The following ASPH variants were observed in gnomAD, a reference collection of about 807,000 sequenced individuals.
ASPH encodes aspartyl/asparaginyl beta-hydroxylase.
A neutral mutation model predicts 118.4 loss-of-function variants in ASPH; 100 were observed. The observed-to-expected ratio is 0.84, with a 90% CI of 0.72 to 1.00. The LOEUF is 1.00. Ranked by LOEUF, ASPH falls within the 50% of genes least tolerant of loss-of-function variation. The pLI, the probability that ASPH is intolerant of heterozygous loss-of-function variation, is 0.00. For synonymous variants in ASPH, 315 were observed against 325.6 expected (o/e 0.97, Z 0.35); for missense variants, 920 against 919.5 (o/e 1.00, Z -0.01).
intron 15 of ASPH, chr8:61,579,141 T>A: frequency 6.2e-7 from 1 of 1,611,858 alleles, no homozygotes; most frequent in Non-Finnish European, 8.5e-7. Context: ...GACTGAGATC[T>A]CTGAGATGAA....
At chr8:61,524,156 T>C (rs1251364749) in intron 22 of ASPH, among the ~76,000 whole-genome samples, 7 of 152,170 alleles carry the variant, frequency 4.6e-5, no homozygotes, top group African/African-American at 7.2e-5. Context: ...CATATACATA[T>C]AGATCATTTT....
At chr8:61,538,850 T>C (rs1586742905) in intron 21 of ASPH, among the ~76,000 whole-genome samples, 1 of 152,270 alleles carries the variant, frequency 6.6e-6, no homozygotes, top group African/African-American at 2.4e-5. Flanking sequence ...GATGTGTTTA[T>C]ATCCAAGCAG....
chr8:61,665,388 T>A (rs950154029), intron 3 of ASPH: 38 of 1,613,518 alleles, frequency 2.4e-5, no homozygotes, highest in Non-Finnish European at 3.1e-5. Flanking sequence ...TTTTTCCTAT[T>A]TTCCTTGGTT....
intron 10 of ASPH, among the ~76,000 whole-genome samples, chr8:61,639,074 T>C (rs890509400): frequency 6.6e-6 from 1 of 152,194 alleles, no homozygotes; most frequent in Non-Finnish European, 1.5e-5. Context: ...AGTATTGGGG[T>C]ACAGCAGGGA....
intron 22 of ASPH, among the ~76,000 whole-genome samples, chr8:61,525,418 T>TA: frequency 6.6e-6 from 1 of 151,890 alleles, no homozygotes; most frequent in African/African-American, 2.4e-5. Flanking sequence ...TGGGTTAAGC[T>TA]AAAAAAATAT....
intron 1 of ASPH, among the ~76,000 whole-genome samples, chr8:61,708,919 G>A (rs538834904): frequency 5.7e-4 from 60 of 105,742 alleles, no homozygotes; most frequent in Admixed American, 8.6e-4. Context: ...AATGCTCTCC[G>A]CTCTGGAGCA....
intron 15 of ASPH, chr8:61,582,919 T>A (rs1460633030): frequency 6.6e-6 from 1 of 152,192 alleles, no homozygotes; most frequent in Admixed American, 6.5e-5. Context: ...ATTGAAGATA[T>A]GATTAAATAC....
Position 61,586,927 on chromosome 8 carries a change from C to T in ASPH, c.977-2898G>A, listed in dbSNP as rs544789001. Among the ~76,000 whole-genome samples the T allele has an allele frequency of 3.9e-5, 6 of 152,258 alleles. No individual in the cohort carries two copies. In the South Asian group the frequency reaches 8.3e-4, roughly 21 times the overall value. On this transcript the variant is annotated intron_variant, in intron 14 of 24. Coordinates refer to ENST00000379454, the MANE Select transcript of ASPH (RefSeq NM_004318.4). ...ACCTTCTGAGAACATTCGTGCTGAGCGGAACTGCAAGAGAGGCTCTCACAT... is the reference window on the plus strand; with the variant it reads ...ACCTTCTGAGAACATTCGTGCTGAGTGGAACTGCAAGAGAGGCTCTCACAT...
intron 24 of ASPH, among the ~76,000 whole-genome samples, chr8:61,505,588 C>T (rs1806226393): frequency 6.6e-6 from 1 of 151,382 alleles, no homozygotes; most frequent in South Asian, 2.1e-4. Context: ...AATTAAACTT[C>T]TTTTTCTTCT....
intron 21 of ASPH, among the ~76,000 whole-genome samples, chr8:61,530,385 T>C (rs538817721): frequency 2.0e-5 from 3 of 152,312 alleles, no homozygotes; most frequent in Admixed American, 2.0e-4. Flanking sequence ...AGCATGTGCC[T>C]CACCAGTTAC....
At chr8:61,696,692 A>G (rs1834001929) in intron 1 of ASPH, among the ~76,000 whole-genome samples, 1 of 152,168 alleles carries the variant, frequency 6.6e-6, no homozygotes, top group Admixed American at 6.5e-5. Flanking sequence ...GAGCTATTCA[A>G]TTGTCCACAT....
intron 18 of ASPH, among the ~76,000 whole-genome samples, chr8:61,559,493 C>T (rs1172960044): frequency 6.6e-6 from 1 of 152,128 alleles, no homozygotes; most frequent in Non-Finnish European, 1.5e-5. Context: ...TACACAAACA[C>T]AAAGCACAGA....
chr8:61,657,306 G>C (rs114240620), intron 3 of ASPH: 1 of 152,168 alleles, frequency 6.6e-6, no homozygotes, highest in African/African-American at 2.4e-5. Flanking sequence ...ACATTCTGAG[G>C]AATGTGTGGA....
intron 1 of ASPH, among the ~76,000 whole-genome samples, chr8:61,695,406 C>G (rs987146641): frequency 2.0e-5 from 3 of 152,220 alleles, no homozygotes; most frequent in African/African-American, 4.8e-5. Flanking sequence ...GTGTCACCCC[C>G]CTAGCTGCCT....
chr8:61,644,121 T>C (rs1404134045), intron 7 of ASPH, 120 bp from the exon 8 acceptor site: 2 of 764,928 alleles, frequency 2.6e-6, no homozygotes, highest in Non-Finnish European at 4.3e-6. Flanking sequence ...CATAATGATA[T>C]TCAAACATGT....
chr8:61,635,875 G>A (rs907140495), intron 12 of ASPH, among the ~76,000 whole-genome samples: 3 of 152,070 alleles, frequency 2.0e-5, no homozygotes, highest in African/African-American at 7.2e-5. Context: ...CTCTGCTTCC[G>A]TTCTTGCTCC....
intron 3 of ASPH, among the ~76,000 whole-genome samples, chr8:61,677,988 T>C (rs1826191541): frequency 6.6e-6 from 1 of 152,126 alleles, no homozygotes; most frequent in Admixed American, 6.6e-5. Context: ...GAAAAATATA[T>C]ACTCTCGGCA....
At chr8:61,618,181 C>G (rs1168153947) in intron 14 of ASPH, among the ~76,000 whole-genome samples, 1 of 152,114 alleles carries the variant, frequency 6.6e-6, no homozygotes, top group East Asian at 1.9e-4. Context: ...CCAGCAATTC[C>G]ACATGCTCAC....
intron 12 of ASPH, among the ~76,000 whole-genome samples, chr8:61,636,825 A>ATT (rs1234270108): frequency 6.6e-6 from 1 of 152,158 alleles, no homozygotes; most frequent in African/African-American, 2.4e-5. Context: ...TCTTCAGAAC[A>ATT]TTAATATCCC....
Sources: allele counts gnomAD v4.1 joint callset (sites outside exome capture counted in the v4.1 genomes callset), GRCh38; gene constraint gnomAD v4.1.1; transcripts MANE v1.5; gene names NCBI Gene and HGNC (gene_info 2026-07-23, HGNC 2026-07-21).